Variants in TCF20 observed in about 807,000 individuals in gnomAD.
The protein encoded by TCF20 is SPRE-binding protein.
A neutral mutation model predicts 148.6 loss-of-function variants in TCF20; 3 were observed. The observed-to-expected ratio is 0.02, with a 90% CI of 0.01 to 0.05. The LOEUF (loss-of-function observed/expected upper bound fraction) is 0.05, where lower values mean the gene tolerates loss of function less well. TCF20 is among the 10% of genes least tolerant of loss of function. The pLI is 1.00. For missense variants in TCF20, 2,350 were observed against 2,429.3 expected (o/e 0.97, Z 0.69); for synonymous variants, 1,049 against 909.5 (o/e 1.15, Z -2.76).
rs749028720 is a variant in TCF20 at position 42,214,338 on chromosome 22, T to TGTTGTTGTTGCTGCG, written c.953_967dup (p.Pro318_Gln322dup). ...ATACTGCATCACATGCTGAGAAGGGTGTTGTTGTTGCTGCGGTTGCTGCTG... is the reference window on the plus strand; with the variant it reads ...ATACTGCATCACATGCTGAGAAGGGTGTTGTTGTTGCTGCGGTTGTTGTTGCTGCGGTTGCTGCTG... On this transcript the variant is annotated inframe_insertion, in exon 2 of 6. Coordinates refer to ENST00000677622, the MANE Select transcript of TCF20 (RefSeq NM_001378418.1). 3 of 1,609,308 alleles carry TGTTGTTGTTGCTGCG rather than the reference T, an allele frequency of 1.9e-6. No homozygotes were observed. Among genetic ancestry groups the TGTTGTTGTTGCTGCG allele is most frequent in the Non-Finnish European group, 2.6e-6 (3 of 1,175,938 alleles).
chr22:42,167,921 G>T (rs1935890505), intron 5 of TCF20, among the ~76,000 whole-genome samples: 2 of 150,634 alleles, frequency 1.3e-5, no homozygotes, highest in South Asian at 2.1e-4. Flanking sequence ...TAGACACAGG[G>T]TCTCACTGTT....
chr22:42,162,909 A>G (rs928925630), intron 5 of TCF20, among the ~76,000 whole-genome samples: 2 of 152,212 alleles, frequency 1.3e-5, no homozygotes, highest in Admixed American at 1.3e-4. Context: ...GCAGGAACAC[A>G]CACAGAGGCC....
intron 1 of TCF20, among the ~76,000 whole-genome samples, chr22:42,217,178 C>T (rs1239683524): frequency 6.6e-6 from 1 of 152,170 alleles, no homozygotes; most frequent in Non-Finnish European, 1.5e-5. Context: ...GCCCCTGCTC[C>T]CACCCCCTTG....
chr22:42,309,057 G>A (rs886488679), intron 1 of TCF20, among the ~76,000 whole-genome samples: 3 of 152,128 alleles, frequency 2.0e-5, no homozygotes, highest in East Asian at 1.9e-4. Context: ...ACACCCTGGC[G>A]GGGGAGGCTG....
chr22:42,228,304 G>C (rs529312366), intron 1 of TCF20, among the ~76,000 whole-genome samples: 29 of 152,308 alleles, frequency 1.9e-4, no homozygotes, highest in African/African-American at 6.0e-4. Context: ...ATTGCTAACG[G>C]ATCAGAAGTG....
At chr22:42,199,011 G>A (rs1325440810) in intron 2 of TCF20, among the ~76,000 whole-genome samples, 3 of 152,056 alleles carry the variant, frequency 2.0e-5, no homozygotes, top group African/African-American at 7.2e-5. Flanking sequence ...TAAGAATGCA[G>A]AACCCATGAA....
chr22:42,270,952 G>C (rs1926594405), upstream of TCF20, among the ~76,000 whole-genome samples: 1 of 152,082 alleles, frequency 6.6e-6, no homozygotes, highest in Non-Finnish European at 1.5e-5. Flanking sequence ...TCTTGGGGGT[G>C]GACGCGAGCC....
intron 1 of TCF20, among the ~76,000 whole-genome samples, chr22:42,233,525 A>G (rs1422806613): frequency 4.6e-5 from 7 of 152,230 alleles, no homozygotes; most frequent in African/African-American, 1.7e-4. Flanking sequence ...TTTCAAGTCC[A>G]GTGCAAATCG....
In TCF20 at chr22:42,211,664, C is replaced by T. The variant is rs367613861; in HGVS notation, c.3642G>A (p.Pro1214=). ...PGMSSQKRYG[P]PHETDGHGLA... ...GTCCATGTCCATCAGTCTCATGGGG[C>T]GGCCCATACCTTTTTTGACTGGACA... Residue 1214 remains proline (P), a synonymous_variant, in exon 2 of 6, where the codon CCG becomes CCA. Transcript: ENST00000677622. 15 of 1,614,228 alleles carry T rather than the reference C, an allele frequency of 9.3e-6. No homozygotes were observed. The African/African-American group carries it at 9.3e-5, about 10-fold the overall frequency.
intron 1 of TCF20, among the ~76,000 whole-genome samples, chr22:42,219,205 A>AT (rs939446867): frequency 4.6e-5 from 7 of 150,852 alleles, no homozygotes; most frequent in Non-Finnish European, 8.9e-5. Flanking sequence ...GTTAAAAAAA[A>AT]TTTTAAATGC....
chr22:42,239,146 G>T (rs1244150418), intron 1 of TCF20, among the ~76,000 whole-genome samples: 1 of 149,822 alleles, frequency 6.7e-6, no homozygotes, highest in East Asian at 2.0e-4. Flanking sequence ...TAACATCGAT[G>T]ATCACTGATC....
chr22:42,341,469 G>A (rs1272971183), intron 1 of TCF20, among the ~76,000 whole-genome samples: 1 of 152,038 alleles, frequency 6.6e-6, no homozygotes, highest in Non-Finnish European at 1.5e-5. Flanking sequence ...CCGTCCCAGC[G>A]AATCCAGGTG....
At chr22:42,246,837 G>A (rs137992872) in intron 1 of TCF20, among the ~76,000 whole-genome samples, 6,403 of 151,846 alleles carry the variant, frequency 0.042, 196 homozygotes, top group Non-Finnish European at 0.069. Context: ...GTGGTGGCGG[G>A]TGCCTGTAAT....
chr22:42,188,577 G>A (rs1479671566), intron 2 of TCF20, among the ~76,000 whole-genome samples: 1 of 152,132 alleles, frequency 6.6e-6, no homozygotes, highest in East Asian at 1.9e-4. Flanking sequence ...AGAAACATGG[G>A]TTGGATGAAA....
chr22:42,317,700 T>C lies in TCF20; in HGVS notation c.-37+25779A>G, dbSNP rs1450840185. On this transcript the variant is annotated intron_variant, in intron 1 of 1. Transcript: ENST00000515426. This position sits in a 1 kb window ranked among gnomAD's most constrained non-coding sequence, Gnocchi z 4.2. ...CCGCAGGACAGCGGGAGGGTGGGGG[T>C]TCTGTGGGCCTTTCCCACGGTCCAG... Among the ~76,000 whole-genome samples the C allele has an allele frequency of 1.3e-5, 2 of 151,486 alleles. No homozygotes were observed. The highest frequency in any genetic ancestry group is 4.9e-5 in the African/African-American group (2 of 41,176).
chr22:42,251,520 T>TTTTTTTTTTTTTTG (rs1555947166), intron 1 of TCF20, among the ~76,000 whole-genome samples: 3 of 115,716 alleles, frequency 2.6e-5, no homozygotes, highest in African/African-American at 1.0e-4. Flanking sequence ...TTTTTTTTTT[T>TTTTTTTTTTTTTTG]GAGACAGAAT....
At position 42,214,662 on chromosome 22, in the gene TCF20, G is replaced by A; in HGVS notation, c.644C>T (p.Ser215Leu). 1 of 1,614,182 alleles carries A rather than the reference G, an allele frequency of 6.2e-7. No homozygotes were observed. The highest frequency in any genetic ancestry group is 8.5e-7 in the Non-Finnish European group (1 of 1,180,040). ...SSHLQPMQRP[S>L]TLPSSAAGYQ... is the part of the protein sequence containing the mutation. ...ACCAGCAGCAGAGGATGGCAGAGTT[G>A]AGGGCCGCTGCATTGGCTGTAGATG... Residue 215 changes from serine (S) to leucine (L), a missense_variant, in exon 2 of 6, where the codon TCA (serine) becomes TTA (leucine). Ser to Leu is a moderately radical substitution (Grantham distance 145). Transcript: ENST00000677622.
At chr22:42,165,429 G>C (rs9611747) in intron 5 of TCF20, among the ~76,000 whole-genome samples, 1 of 152,166 alleles carries the variant, frequency 6.6e-6, no homozygotes, top group South Asian at 2.1e-4. Flanking sequence ...TTTAATTCAC[G>C]ACAGGAGGAA....
At chr22:42,263,025 C>T (rs1926105988) in intron 1 of TCF20, among the ~76,000 whole-genome samples, 1 of 152,154 alleles carries the variant, frequency 6.6e-6, no homozygotes, top group Non-Finnish European at 1.5e-5. Flanking sequence ...CTGAGTGCCA[C>T]CTGCAGGCAG....
Sources: allele counts gnomAD v4.1 joint callset (sites outside exome capture counted in the v4.1 genomes callset), GRCh38; gene constraint gnomAD v4.1.1; non-coding constraint Gnocchi (gnomAD v3.1); transcripts MANE v1.5; gene names NCBI Gene and HGNC (gene_info 2026-07-23, HGNC 2026-07-21).